Variants in KLC4 observed in about 807,000 individuals in gnomAD.
KLC4 encodes the protein kinesin light chain 4.
KLC4 carries 49 observed loss-of-function variants against 77.2 expected under a neutral mutation model. The observed-to-expected ratio is 0.63, with a 90% CI of 0.50 to 0.80. The LOEUF (loss-of-function observed/expected upper bound fraction) is 0.80. Among genes scored for constraint, KLC4 ranks in the 30% least tolerant of loss-of-function variants. The pLI, the probability that KLC4 is intolerant of heterozygous loss-of-function variation, is 0.00. For missense variants in KLC4, 669 were observed against 793.5 expected (o/e 0.84, Z 1.89); for synonymous variants, 274 against 314.5 (o/e 0.87, Z 1.36).
At chr6:43,069,956 A>G (rs945376324) in intron 6 of KLC4, among the ~76,000 whole-genome samples, 5 of 152,142 alleles carry the variant, frequency 3.3e-5, no homozygotes, top group African/African-American at 4.8e-5. Context: ...TTGATATCCC[A>G]TCAAATATCA....
At chr6:43,060,396 C>T (rs1203586525) in intron 1 of KLC4, 2 of 1,378,108 alleles carry the variant, frequency 1.5e-6, no homozygotes, top group Non-Finnish European at 1.9e-6. Flanking sequence ...CTTTGAAGAC[C>T]TGTGGGCAGA....
intron 6 of KLC4, 70 bp from the exon 7 acceptor site, chr6:43,070,284 T>C: frequency 9.9e-7 from 1 of 1,014,980 alleles, no homozygotes; most frequent in Non-Finnish European, 1.5e-6. Flanking sequence ...TGCTGGGAGG[T>C]GGGGAACCTC....
At chr6:43,070,013 G>A (rs1384574005) in intron 6 of KLC4, among the ~76,000 whole-genome samples, 1 of 151,136 alleles carries the variant, frequency 6.6e-6, no homozygotes, top group Non-Finnish European at 1.5e-5. Flanking sequence ...TTAAAAAATT[G>A]GCAGAGCTGT....
At chr6:43,066,652 A>G in intron 5 of KLC4, 127 bp downstream of exon 5, 2 of 760,080 alleles carry the variant, frequency 2.6e-6, no homozygotes, top group East Asian at 2.7e-5. Context: ...ATACACCCCA[A>G]CAGGGTGCTT....
chr6:43,059,986 T>G, intron 1 of KLC4: 12 of 1,289,840 alleles, frequency 9.3e-6, no homozygotes, highest in Non-Finnish European at 9.9e-6. Context: ...CCCCCGCCCA[T>G]CTCACTCTCC....
chr6:43,070,463 T>C lies in KLC4; in HGVS notation c.981+8T>C. On this transcript the variant is annotated splice_region_variant and intron_variant, in intron 7 of 15. Transcript: ENST00000347162. ...CTGGAGATTCGAGAAAAGGTACCCA[T>C]GCCCTCTCTCCCTTCTTCTCTTGTC... The C allele has an allele frequency of 6.3e-7, 1 of 1,593,716 alleles. No homozygotes were observed. The highest frequency in any genetic ancestry group is 8.6e-7 in the Non-Finnish European group (1 of 1,161,634).
At chr6:43,071,668 G>A in intron 10 of KLC4, 49 bp downstream of exon 10, 1 of 1,583,584 alleles carries the variant, frequency 6.3e-7, no homozygotes, top group Non-Finnish European at 8.7e-7. Flanking sequence ...GGCTACCGGG[G>A]TCTCTGTCTT....
intron 1 of KLC4, chr6:43,060,016 A>G: frequency 1.5e-6 from 2 of 1,364,074 alleles, no homozygotes; most frequent in Non-Finnish European, 9.5e-7. Context: ...GCACCAGGGC[A>G]GGTCGACAGC....
At chr6:43,067,905 G>A (rs1765522124) in intron 6 of KLC4, among the ~76,000 whole-genome samples, 1 of 120,572 alleles carries the variant, frequency 8.3e-6, no homozygotes, top group Admixed American at 8.0e-5. Flanking sequence ...GAGGTCAGGA[G>A]ATCGAGACCA....
intron 1 of KLC4, chr6:43,060,687 G>A: frequency 1.0e-6 from 1 of 991,870 alleles, no homozygotes. Flanking sequence ...TGGGAAGTAT[G>A]GGTTGAAGGT....
intron 2 of KLC4, among the ~76,000 whole-genome samples, chr6:43,061,810 C>T (rs1471971146): frequency 1.3e-5 from 2 of 152,160 alleles, no homozygotes; most frequent in African/African-American, 2.4e-5. Flanking sequence ...TTGGAGGTTA[C>T]CTTCTAGCTT....
Position 43,070,763 on chromosome 6 carries a change from C to T in KLC4, c.1053C>T (p.Gly351=), listed in dbSNP as rs770252804. The T allele has an allele frequency of 1.2e-6, 2 of 1,614,172 alleles. No homozygotes were observed. Among genetic ancestry groups the T allele is most frequent in the Non-Finnish European group, 1.7e-6 (2 of 1,180,018 alleles). The change falls in exon 8 of 16, where the codon GGC becomes GGT. Residue 351 remains glycine (G), a synonymous_variant. Coordinates refer to ENST00000347162, the MANE Select transcript of KLC4 (RefSeq NM_201521.3). Reference sequence around the variant, plus strand: ...TGGCCCTCTTGTGCCAAAACCAGGGCAAGTATGAGGCCGTGGAACGCTACT... The same window carrying T: ...TGGCCCTCTTGTGCCAAAACCAGGGTAAGTATGAGGCCGTGGAACGCTACT... ...NNLALLCQNQ[G]KYEAVERYYQ...
chr6:43,070,846 C>G lies in KLC4; in HGVS notation c.1136C>G (p.Ala379Gly), dbSNP rs760598507. The change falls in exon 8 of 16, where the codon GCC becomes GGC. Residue 379 changes from alanine to glycine, a missense_variant. Physicochemically the swap from Ala to Gly is moderately conservative, Grantham distance 60 (BLOSUM62 0). Coordinates refer to ENST00000347162, the MANE Select transcript of KLC4 (RefSeq NM_201521.3). ...CTGGGGCCGGACAACCCTAATGTAGCCCGGACCAAGAACAACCTGGTATGG... is the reference window on the plus strand; with the variant it reads ...CTGGGGCCGGACAACCCTAATGTAGGCCGGACCAAGAACAACCTGGTATGG... ...GQLGPDNPNV[A>G]RTKNNLASCY... The G allele has an allele frequency of 6.2e-7, 1 of 1,608,408 alleles. No homozygotes were observed. The highest frequency in any genetic ancestry group is 8.5e-7 in the Non-Finnish European group (1 of 1,177,886).
chr6:43,066,011 G>GC (rs769518387), intron 4 of KLC4, among the ~76,000 whole-genome samples: 10 of 152,184 alleles, frequency 6.6e-5, no homozygotes, highest in Admixed American at 4.6e-4. Flanking sequence ...GAGACCATGA[G>GC]CCCCCCAAGG....
intron 13 of KLC4, 64 bp from the exon 14 acceptor site, chr6:43,073,159 G>A: frequency 7.0e-7 from 1 of 1,430,160 alleles, no homozygotes; most frequent in Admixed American, 1.8e-5. Flanking sequence ...AATGCTAGGA[G>A]TAGACTCAGA....
chr6:43,063,785 C>T (rs1765287540), intron 3 of KLC4, among the ~76,000 whole-genome samples: 1 of 151,890 alleles, frequency 6.6e-6, no homozygotes, highest in Non-Finnish European at 1.5e-5. Flanking sequence ...AACTCCTGAC[C>T]TCAGGTGGTC....
Position 43,073,842 on chromosome 6 carries a change from A to G in KLC4, c.1746-60A>G, listed in dbSNP as rs185012087. 282 of 1,500,544 alleles carry G rather than the reference A, an allele frequency of 1.9e-4. No individual in the cohort carries two copies. In the African/African-American group the frequency reaches 3.7e-3, roughly 20 times the overall value. 93.0% of individuals were successfully genotyped at this position (1,500,544 alleles called of 1,614,324 possible). ...GTGTGGCAGTGCTCAAGAGGCCCACAGCCTTAAGGCCACTCAGGAGGAAGA... is the reference window on the plus strand; with the variant it reads ...GTGTGGCAGTGCTCAAGAGGCCCACGGCCTTAAGGCCACTCAGGAGGAAGA... On this transcript the variant is annotated intron_variant, in intron 14 of 15. Transcript: ENST00000347162.
chr6:43,073,025 C>T (rs2150359631), intron 13 of KLC4, 61 bp downstream of exon 13: 1 of 1,530,320 alleles, frequency 6.5e-7, no homozygotes, highest in South Asian at 1.3e-5. Flanking sequence ...TGGTGAGAGG[C>T]TCTTGGCCAT....
chr6:43,061,388 G>T lies in KLC4; in HGVS notation c.53G>T (p.Ser18Ile). The T allele has an allele frequency of 6.2e-7, 1 of 1,613,964 alleles. No homozygotes were observed. Among genetic ancestry groups the T allele is most frequent in the Non-Finnish European group, 8.5e-7 (1 of 1,180,052 alleles). The change falls in exon 2 of 16, where the codon AGC (serine) becomes ATC (isoleucine). Residue 18 changes from serine (S) to isoleucine (I), a missense_variant. By Grantham distance (142) the Ser-to-Ile change is moderately radical (BLOSUM62 -2). Transcript: ENST00000347162. ...GATGAGCCTGCAGGCCACCGGCTCA[G>T]CCAAGAGGAGATCCTGGGGAGCACA... is the stretch of plus-strand genomic sequence containing the variant. ...QRDEPAGHRLSQEEILGSTRL... is the reference protein window; with the variant it reads ...QRDEPAGHRLIQEEILGSTRL...
Sources: allele counts gnomAD v4.1 joint callset (sites outside exome capture counted in the v4.1 genomes callset), GRCh38; gene constraint gnomAD v4.1.1; transcripts MANE v1.5; gene names NCBI Gene and HGNC (gene_info 2026-07-23, HGNC 2026-07-21).